Variants in TJP1 observed in about 807,000 individuals in gnomAD.
The protein encoded by TJP1 is tight junction protein ZO-1.
Under a neutral mutation model 194.2 loss-of-function variants are expected in TJP1, and 43 were observed. The observed-to-expected ratio is 0.22, with a 90% CI of 0.17 to 0.29. The LOEUF (loss-of-function observed/expected upper bound fraction) is 0.29. TJP1 is among the 10% of genes least tolerant of loss of function. TJP1 has a pLI of 1.00. For synonymous variants in TJP1, 801 were observed against 779.0 expected, an observed-to-expected ratio of 1.03 and a Z score of -0.47; for missense variants, 1,971 against 2,185.7, an observed-to-expected ratio of 0.90 and a Z score of 1.96.
intron 2 of TJP1, among the ~76,000 whole-genome samples, chr15:29,902,759 G>T (rs1477156881): frequency 6.6e-6 from 1 of 152,102 alleles, no homozygotes; most frequent in East Asian, 1.9e-4. Context: ...CTAAAGGCCC[G>T]ACACGGTGGC....
At chr15:29,915,486 T>C (rs78812989) in intron 2 of TJP1, among the ~76,000 whole-genome samples, 1,915 of 152,344 alleles carry the variant, frequency 0.013, 36 homozygotes, top group African/African-American at 0.043. Context: ...CATTGCTCTG[T>C]TACTGGTCTT....
At position 29,792,173 on chromosome 15, in the gene TJP1, A is replaced by G. The variant is rs147144160; in HGVS notation, c.84+8473T>C. Among the ~76,000 whole-genome samples the G allele has an allele frequency of 1.2e-3, 182 of 152,276 alleles. 1 individual carries two copies. Among genetic ancestry groups the G allele is most frequent in the African/African-American group, 4.3e-3 (177 of 41,556 alleles). ...TGGTTGCCTGTTCTTTGGAGGTCAC[A>G]CTCAAGAAACCTTAGCCCATACCAA... On this transcript the variant is annotated intron_variant, in intron 2 of 27. Transcript: ENST00000614355.
intron 2 of TJP1, among the ~76,000 whole-genome samples, chr15:29,843,479 G>A (rs963917205): frequency 2.0e-5 from 3 of 152,106 alleles, no homozygotes; most frequent in Non-Finnish European, 4.4e-5. Flanking sequence ...GTGAGCCACC[G>A]TGCCCAGCCT....
chr15:29,956,330 T>C (rs2055940080), exon 2 of TJP1: 1 of 1,288,878 alleles, frequency 7.8e-7, no homozygotes, highest in African/African-American at 1.5e-5. Flanking sequence ...ACACTAGAAG[T>C]AGCACCATTA....
chr15:29,877,054 T>C (rs1436122810), intron 2 of TJP1, among the ~76,000 whole-genome samples: 2 of 152,248 alleles, frequency 1.3e-5, no homozygotes, highest in Non-Finnish European at 2.9e-5. Flanking sequence ...CCAGTCTGCA[T>C]TGCTTCTCTG....
intron 25 of TJP1, among the ~76,000 whole-genome samples, chr15:29,707,179 C>G (rs1460914725): frequency 6.6e-6 from 1 of 152,112 alleles, no homozygotes; most frequent in Admixed American, 6.5e-5. Flanking sequence ...GAAAGAGAGA[C>G]AGTAGATTAA....
rs369731565 is a variant in TJP1, at chr15:29,949,153, CACT to C, written c.306+7076_306+7078del. Among the ~76,000 whole-genome samples, 288 of 147,930 alleles carry C rather than the reference CACT, an allele frequency of 1.9e-3. 2 individuals carry two copies. The highest frequency in any genetic ancestry group is 6.8e-3 in the African/African-American group (270 of 39,738). ...CCTCCACCTCCACCTTCACCACCTC[CACT>C]ACTACCTCCACCACCACCACCTCCA... On this transcript the variant is annotated intron_variant, in intron 2 of 28. Coordinates refer to the TJP1 transcript ENST00000356107.
chr15:29,757,192 C>T (rs1226457151), intron 8 of TJP1, among the ~76,000 whole-genome samples: 1 of 152,116 alleles, frequency 6.6e-6, no homozygotes, highest in Non-Finnish European at 1.5e-5. Flanking sequence ...TCACTTCTCA[C>T]AAAATGAAGA....
intron 2 of TJP1, among the ~76,000 whole-genome samples, chr15:29,783,152 T>C (rs1284538108): frequency 6.6e-6 from 1 of 152,040 alleles, no homozygotes; most frequent in Non-Finnish European, 1.5e-5. Flanking sequence ...TGCATGCCTG[T>C]AATCCCAGCT....
At chr15:29,708,426 A>T (rs2042038234) in intron 25 of TJP1, 133 bp downstream of exon 25, 1 of 755,452 alleles carries the variant, frequency 1.3e-6, no homozygotes, top group African/African-American at 1.7e-5. Flanking sequence ...AACAGCATTC[A>T]TTGCAACAAC....
In TJP1 at chr15:29,822,431, T is replaced by A; in HGVS notation, c.-403A>T. ...CCGGCGGCCGCCAAGGAACGCGGCG[T>A]CCGCTGGCTCAGCCGGCGCCGGCAA... On this transcript the variant is annotated 5_prime_UTR_variant, in exon 1 of 28. Transcript: ENST00000614355. 2.0e-6 allele frequency: 2 copies of A among 988,418 alleles called. No individual in the cohort carries two copies. Among genetic ancestry groups the A allele is most frequent in the Non-Finnish European group, 2.4e-6 (2 of 832,204 alleles). 61.2% of individuals were successfully genotyped at this position (988,418 alleles called of 1,614,324 possible).
At chr15:29,932,329 A>C (rs913810243) in intron 2 of TJP1, among the ~76,000 whole-genome samples, 2 of 152,222 alleles carry the variant, frequency 1.3e-5, no homozygotes, top group African/African-American at 4.8e-5. Flanking sequence ...ACAAATCCAC[A>C]CATATATGGA....
chr15:29,725,821 T>C (rs1205896541), intron 18 of TJP1, among the ~76,000 whole-genome samples: 1 of 152,162 alleles, frequency 6.6e-6, no homozygotes, highest in Admixed American at 6.5e-5. Context: ...GAGTGAAAAA[T>C]AAATGCAAGG....
intron 2 of TJP1, among the ~76,000 whole-genome samples, chr15:29,834,499 T>C (rs989626401): frequency 1.3e-4 from 20 of 152,248 alleles, no homozygotes; most frequent in African/African-American, 4.8e-4. Context: ...ATTACAGGCA[T>C]GAGCCACCGC....
chr15:29,737,531 T>G (rs902346687), intron 10 of TJP1, 117 bp from the exon 11 acceptor site: 20 of 1,074,366 alleles, frequency 1.9e-5, no homozygotes, highest in Admixed American at 2.7e-5. Context: ...CTAAAACTTC[T>G]CTCATACCAC....
At chr15:29,835,040 G>A (rs545899848) in intron 2 of TJP1, among the ~76,000 whole-genome samples, 1 of 152,302 alleles carries the variant, frequency 6.6e-6, no homozygotes, top group South Asian at 2.1e-4. Context: ...CAGAATGGAG[G>A]AGGGGTAATG....
chr15:29,898,897 T>C (rs2053556975), intron 2 of TJP1, among the ~76,000 whole-genome samples: 1 of 152,210 alleles, frequency 6.6e-6, no homozygotes, highest in South Asian at 2.1e-4. Flanking sequence ...ATTAAATATA[T>C]GGAAATACAT....
intron 2 of TJP1, among the ~76,000 whole-genome samples, chr15:29,946,441 G>A (rs1486807851): frequency 4.6e-5 from 7 of 152,222 alleles, no homozygotes; most frequent in Admixed American, 3.9e-4. Flanking sequence ...AATTAAGTGT[G>A]AGAGAATCTG....
chr15:29,949,023 C>G (rs1393712903), intron 2 of TJP1, among the ~76,000 whole-genome samples: 1 of 148,904 alleles, frequency 6.7e-6, no homozygotes, highest in Non-Finnish European at 1.5e-5. Context: ...CTTCTACCCT[C>G]ACAAACACCC....
Sources: allele counts gnomAD v4.1 joint callset (sites outside exome capture counted in the v4.1 genomes callset), GRCh38; gene constraint gnomAD v4.1.1; transcripts MANE v1.5; gene names NCBI Gene and HGNC (gene_info 2026-07-23, HGNC 2026-07-21).